CSMD2: variants seen among roughly 807,000 people sequenced by gnomAD.
CSMD2 encodes the protein CUB and sushi domain-containing protein 2.
CSMD2 carries 130 observed loss-of-function variants against 398.5 expected under a neutral mutation model. The ratio of observed to expected loss-of-function variants is 0.33; its 90% CI spans 0.28 to 0.38. CSMD2 has a LOEUF of 0.38. Among genes scored for constraint, CSMD2 ranks in the 10% least tolerant of loss-of-function variants. The pLI is 1.00. For synonymous variants in CSMD2, 1,828 were observed against 1,908.5 expected (o/e 0.96, Z 1.10); for missense variants, 3,829 against 4,764.9 (o/e 0.80, Z 5.78).
chr1:33,553,047 G>A (rs530769808), intron 55 of CSMD2, among the ~76,000 whole-genome samples: 5 of 152,192 alleles, frequency 3.3e-5, no homozygotes, highest in African/African-American at 1.2e-4. Flanking sequence ...TACATAGAGA[G>A]CAGTTAAAAA....
chr1:33,671,997 G>GC (rs932062533), intron 25 of CSMD2, among the ~76,000 whole-genome samples: 3 of 59,598 alleles, frequency 5.0e-5, no homozygotes, highest in Non-Finnish European at 1.1e-4. Flanking sequence ...GACATGCAAA[G>GC]GGGGGTGGAG....
At position 33,693,023 on chromosome 1, in the gene CSMD2, G is replaced by C; in HGVS notation, c.3959C>G (p.Ser1320Trp). The change falls in exon 25 of 71, where the codon TCG becomes TGG. Residue 1320 changes from serine to tryptophan, a missense_variant. Transcript: ENST00000373381. ...ECGGTVRGEV[S>W]GQVLSPGYPA... is the part of the protein sequence containing the mutation. ...ATACCCGGGTGACAGCACCTGCCCC[G>C]ACACCTCTCCTCTCACTGTCCCTCC... is the stretch of plus-strand genomic sequence containing the variant. The C allele has an allele frequency of 6.2e-7, 1 of 1,602,992 alleles. No homozygotes were observed. Among genetic ancestry groups the C allele is most frequent in the East Asian group, 2.3e-5 (1 of 43,462 alleles).
intron 2 of CSMD2, among the ~76,000 whole-genome samples, chr1:34,081,486 C>G (rs942750460): frequency 2.6e-5 from 4 of 151,112 alleles, no homozygotes; most frequent in African/African-American, 9.7e-5. Flanking sequence ...CTGGATTGTA[C>G]TGCCGTGATC....
chr1:33,931,244 A>G (rs1644303521), intron 4 of CSMD2, among the ~76,000 whole-genome samples: 1 of 152,198 alleles, frequency 6.6e-6, no homozygotes, highest in Non-Finnish European at 1.5e-5. Flanking sequence ...AGAGGAAGAA[A>G]GGCCAAAAGG....
At chr1:33,602,227 T>C in intron 43 of CSMD2, 142 bp downstream of exon 43, 1 of 843,360 alleles carries the variant, frequency 1.2e-6, no homozygotes, top group South Asian at 1.6e-5. Context: ...ACTATGTTTA[T>C]TTGAAACCCA....
Position 33,765,349 on chromosome 1 carries a change from T to G in CSMD2, c.1846+7220A>C, listed in dbSNP as rs546072121. 9.8e-5 allele frequency among the ~76,000 whole-genome samples: 15 copies of G among 152,326 alleles called. No homozygotes were observed. The South Asian group carries it at 2.9e-3, about 29-fold the overall frequency. ...CACATTATAAAACAACAATTAAAAT[T>G]ATTCAATACCAGTGCTAAGATAGAA... is the stretch of plus-strand genomic sequence containing the variant. On this transcript the variant is annotated intron_variant, in intron 13 of 70. Coordinates refer to ENST00000373381, the MANE Select transcript of CSMD2 (RefSeq NM_001281956.2).
chr1:33,901,035 C>T (rs146228984), intron 5 of CSMD2, among the ~76,000 whole-genome samples: 9 of 152,264 alleles, frequency 5.9e-5, no homozygotes, highest in Non-Finnish European at 1.0e-4. Flanking sequence ...GGGAGAACCA[C>T]GTGTAGGTGA....
chr1:34,071,146 C>A (rs1486981141), intron 2 of CSMD2, among the ~76,000 whole-genome samples: 2 of 152,210 alleles, frequency 1.3e-5, no homozygotes, highest in Non-Finnish European at 2.9e-5. Flanking sequence ...TGAACTGGCA[C>A]AGTGAAAGAC....
intron 3 of CSMD2, among the ~76,000 whole-genome samples, chr1:33,979,882 A>G (rs752002485): frequency 1.3e-5 from 2 of 152,208 alleles, no homozygotes; most frequent in Non-Finnish European, 2.9e-5. Flanking sequence ...GCTTCAGTTT[A>G]GAGCAATGCC....
chr1:34,097,981 T>C (rs80165162), intron 1 of CSMD2, among the ~76,000 whole-genome samples: 2 of 129,114 alleles, frequency 1.5e-5, no homozygotes, highest in South Asian at 2.7e-4. Flanking sequence ...TATTGTGGCA[T>C]TATTCACAAT....
intron 3 of CSMD2, among the ~76,000 whole-genome samples, chr1:33,984,011 A>G (rs1383084999): frequency 3.9e-5 from 6 of 152,076 alleles, no homozygotes; most frequent in African/African-American, 1.4e-4. Flanking sequence ...AAAATTAGCT[A>G]GGCGTGGTGG....
chr1:33,527,351 T>G, intron 64 of CSMD2, 93 bp from the exon 65 acceptor site: 1 of 984,918 alleles, frequency 1.0e-6, no homozygotes, highest in Non-Finnish European at 1.5e-6. Flanking sequence ...CTTAGGTCAA[T>G]GGGTTCTTTG....
chr1:33,778,102 G>A (rs1362718895), intron 12 of CSMD2, among the ~76,000 whole-genome samples: 2 of 152,120 alleles, frequency 1.3e-5, no homozygotes, highest in African/African-American at 2.4e-5. Context: ...ACAGACTTTG[G>A]TTTACAATGT....
At chr1:34,066,184 G>A (rs1655087498) in intron 2 of CSMD2, among the ~76,000 whole-genome samples, 1 of 152,170 alleles carries the variant, frequency 6.6e-6, no homozygotes, top group East Asian at 1.9e-4. Context: ...GCAAGGATGT[G>A]TTATATGTAC....
At position 33,716,287 on chromosome 1, in the gene CSMD2, T is replaced by C. The variant is rs1646165080; in HGVS notation, c.3216A>G (p.Ser1072=). ...CTCAGGGACCCTCATACTCTTTACC[T>C]GAGAAGGTGATGTTGAATCCTTCAT... The part of the protein sequence containing the change: ...MSYEGFNITF[S]EYDLEPCEEP... Residue 1072 remains serine, a splice_region_variant and synonymous_variant, in exon 20 of 71, where the codon TCA becomes TCG. Transcript: ENST00000373381. 6.2e-7 allele frequency: 1 copy of C among 1,612,164 alleles called. No individual in the cohort carries two copies.
chr1:33,571,628 T>C lies in CSMD2; in HGVS notation c.7861A>G (p.Ile2621Val). ...GTATAGTAGTAGCCAGGGTCACAGA[T>C]GAGCATCAGCTGGGCCTGGAACTGA... ...QYQFQAQLMLICDPGYYYTGQ... is the reference protein window; with the variant it reads ...QYQFQAQLMLVCDPGYYYTGQ... The change falls in exon 51 of 71, where the codon ATC becomes GTC. Residue 2621 changes from isoleucine (I) to valine (V), a missense_variant. Coordinates refer to ENST00000373381, the MANE Select transcript of CSMD2 (RefSeq NM_001281956.2). 6.3e-7 allele frequency: 1 copy of C among 1,591,786 alleles called. No individual in the cohort carries two copies. The highest frequency in any genetic ancestry group is 8.6e-7 in the Non-Finnish European group (1 of 1,165,988).
At chr1:33,764,643 A>C (rs1165850369) in intron 13 of CSMD2, among the ~76,000 whole-genome samples, 3 of 152,226 alleles carry the variant, frequency 2.0e-5, no homozygotes, top group African/African-American at 7.2e-5. Flanking sequence ...AAGCAGAGGA[A>C]GCTCACACCG....
At position 34,020,679 on chromosome 1, in the gene CSMD2, T is replaced by C. The variant is rs4484893; in HGVS notation, c.517+11915A>G. Among the ~76,000 whole-genome samples, 312 of 152,282 alleles carry C rather than the reference T, an allele frequency of 2.0e-3. 3 individuals are homozygous for C. Among genetic ancestry groups the C allele is most frequent in the East Asian group, 0.011 (55 of 5,188 alleles). On this transcript the variant is annotated intron_variant, in intron 3 of 70. Coordinates refer to ENST00000373381, the MANE Select transcript of CSMD2 (RefSeq NM_001281956.2). ...TGATTTTTAAATTGTGCATGACCTT[T>C]AGGTCCTGGTTCACCTCAGGCAAGG...
intron 2 of CSMD2, among the ~76,000 whole-genome samples, chr1:34,034,353 A>C (rs933950458): frequency 2.5e-4 from 38 of 152,130 alleles, no homozygotes; most frequent in Non-Finnish European, 4.4e-5. Flanking sequence ...GGAAGAGACC[A>C]TACCACCCAA....
Sources: gnomAD v4.1 joint callset for allele counts (sites outside exome capture counted in the v4.1 genomes callset) on GRCh38, gnomAD v4.1.1 for gene constraint, MANE v1.5 for transcripts, NCBI Gene and HGNC (gene_info 2026-07-23, HGNC 2026-07-21) for gene names.